The following FAM184B variants were observed in gnomAD, a reference collection of about 807,000 sequenced individuals.
The protein encoded by FAM184B is protein FAM184B.
Under a neutral mutation model 135.9 loss-of-function variants are expected in FAM184B, and 111 were observed. The observed-to-expected ratio is 0.82, with a 90% CI of 0.70 to 0.96. The LOEUF (loss-of-function observed/expected upper bound fraction) is 0.96, where lower values mean the gene tolerates loss of function less well. Among genes scored for constraint, FAM184B ranks in the 40% least tolerant of loss-of-function variants. The pLI, the probability that FAM184B is intolerant of heterozygous loss-of-function variation, is 0.00. For synonymous variants in FAM184B, 552 were observed against 524.8 expected (o/e 1.05, Z -0.71); for missense variants, 1,375 against 1,323.9 (o/e 1.04, Z -0.60).
intron 12 of FAM184B, 22 bp from the exon 13 acceptor site, chr4:17,642,250 GGT>G (rs1715345794): frequency 4.1e-6 from 6 of 1,456,886 alleles, no homozygotes; most frequent in Non-Finnish European, 5.4e-6. Flanking sequence ...AACCAGGAGA[GGT>G]GTTTTCAGGA....
In FAM184B at chr4:17,658,412, G is replaced by A; in HGVS notation, c.1975C>T (p.Leu659Phe). ...AGGGCTCTCTGGTGGGAAGCCTCGA[G>A]CTGGGCTTTCATGGCGTGGTTCTGC... ...TQQNHAMKAQ[L>F]EASHQRALRM... Residue 659 changes from leucine (L) to phenylalanine (F), a missense_variant, in exon 10 of 18, where the codon CTC becomes TTC. Transcript: ENST00000265018. The A allele has an allele frequency of 2.6e-6, 4 of 1,551,616 alleles. No homozygotes were observed. The highest frequency in any genetic ancestry group is 3.5e-6 in the Non-Finnish European group (4 of 1,146,986).
intron 1 of FAM184B, among the ~76,000 whole-genome samples, chr4:17,710,755 A>G (rs1560182943): frequency 6.6e-6 from 1 of 152,226 alleles, no homozygotes; most frequent in Non-Finnish European, 1.5e-5. Flanking sequence ...GGAATGAAGA[A>G]TGACTCTTAG....
chr4:17,768,115 T>G (rs1577296332), intron 1 of FAM184B, among the ~76,000 whole-genome samples: 1 of 152,374 alleles, frequency 6.6e-6, no homozygotes, highest in African/African-American at 2.4e-5. Flanking sequence ...GTTCTTTTGA[T>G]TTTGTTCAAG....
In FAM184B at chr4:17,709,460, T is replaced by A; in HGVS notation, c.326A>T (p.Glu109Val). Reference protein sequence around the residue: ...QRIQALESALELQKRLTEEAL... With the variant: ...QRIQALESALVLQKRLTEEAL... ...CTCCTCCGTCAGCCTCTTTTGCAGC[T>A]CCAGGGCGCTCTCCAGGGCCTGGAT... Residue 109 changes from glutamate to valine, a missense_variant, in exon 2 of 18, where the codon GAG becomes GTG. Transcript: ENST00000265018. The A allele has an allele frequency of 1.3e-6, 2 of 1,535,498 alleles. No homozygotes were observed. The highest frequency in any genetic ancestry group is 8.8e-7 in the Non-Finnish European group (1 of 1,137,612).
intron 6 of FAM184B, 130 bp downstream of exon 6, chr4:17,693,172 C>A: frequency 3.2e-6 from 2 of 625,002 alleles, no homozygotes; most frequent in South Asian, 4.1e-5. Flanking sequence ...AAATGCACGC[C>A]CCCCGAGACA....
chr4:17,656,435 C>G (rs1248174176), intron 10 of FAM184B, among the ~76,000 whole-genome samples: 1 of 152,054 alleles, frequency 6.6e-6, no homozygotes, highest in South Asian at 2.1e-4. Context: ...GGAGTCTTGC[C>G]GTGTTGCCCA....
chr4:17,736,206 T>G (rs1254695467), intron 1 of FAM184B, among the ~76,000 whole-genome samples: 1 of 152,112 alleles, frequency 6.6e-6, no homozygotes, highest in South Asian at 2.1e-4. Context: ...TGCCTGAGGT[T>G]ACGGGGCTGG....
intron 11 of FAM184B, among the ~76,000 whole-genome samples, chr4:17,652,617 A>C (rs921847456): frequency 6.0e-5 from 9 of 151,134 alleles, no homozygotes; most frequent in African/African-American, 1.9e-4. Flanking sequence ...TGAGCCCGAG[A>C]CCCCTGGAGC....
intron 1 of FAM184B, among the ~76,000 whole-genome samples, chr4:17,722,632 G>T (rs186617037): frequency 5.9e-5 from 9 of 152,278 alleles, no homozygotes; most frequent in Non-Finnish European, 1.2e-4. Context: ...CTCCCAGGAA[G>T]GTTCTTAATG....
intron 11 of FAM184B, among the ~76,000 whole-genome samples, chr4:17,649,609 G>T (rs187010073): frequency 2.0e-5 from 3 of 150,864 alleles, no homozygotes; most frequent in Non-Finnish European, 4.4e-5. Flanking sequence ...AATTTACTTC[G>T]TAATCTTTCC....
intron 1 of FAM184B, among the ~76,000 whole-genome samples, chr4:17,777,934 C>T (rs1560199611): frequency 6.6e-6 from 1 of 152,022 alleles, no homozygotes; most frequent in African/African-American, 2.4e-5. Flanking sequence ...CCTGTCTCTA[C>T]AAAAAATTTT....
chr4:17,693,185 C>T, intron 6 of FAM184B, 117 bp downstream of exon 6: 1 of 687,344 alleles, frequency 1.5e-6, no homozygotes, highest in South Asian at 1.9e-5. Context: ...CCGAGACAGC[C>T]TGCCTGTCTG....
chr4:17,694,427 G>A (rs991125115), intron 5 of FAM184B, among the ~76,000 whole-genome samples: 3 of 151,996 alleles, frequency 2.0e-5, no homozygotes, highest in Non-Finnish European at 4.4e-5. Context: ...GGAGGCTGAG[G>A]CAGGAGAATG....
chr4:17,739,555 G>GTTGTTTTTTTTTTT (rs1717979952), intron 1 of FAM184B, among the ~76,000 whole-genome samples: 1 of 62,510 alleles, frequency 1.6e-5, no homozygotes, highest in African/African-American at 6.2e-5. Flanking sequence ...CATACCAACT[G>GTTGTTTTTTTTTTT]TTTTTTTTTT....
At chr4:17,635,420 C>T (rs538666702) in intron 15 of FAM184B, among the ~76,000 whole-genome samples, 3 of 152,060 alleles carry the variant, frequency 2.0e-5, no homozygotes, top group Non-Finnish European at 2.9e-5. Context: ...AAAGAAAACC[C>T]CCAGGTATGC....
At chr4:17,731,693 C>A (rs559972706) in intron 1 of FAM184B, among the ~76,000 whole-genome samples, 2 of 152,262 alleles carry the variant, frequency 1.3e-5, no homozygotes, top group African/African-American at 4.8e-5. Flanking sequence ...CCTTAGTGAC[C>A]TACAAAGAGA....
intron 6 of FAM184B, among the ~76,000 whole-genome samples, chr4:17,693,002 C>A (rs968474910): frequency 1.6e-5 from 2 of 126,026 alleles, no homozygotes; most frequent in Non-Finnish European, 3.4e-5. Flanking sequence ...GCGAATGTAA[C>A]CCTGGGGAAG....
chr4:17,744,414 T>A (rs1718111465), intron 1 of FAM184B, among the ~76,000 whole-genome samples: 1 of 151,404 alleles, frequency 6.6e-6, no homozygotes, highest in African/African-American at 2.4e-5. Flanking sequence ...CCTTGGGGGC[T>A]GGGACTAGGA....
At chr4:17,705,712 T>C (rs532167829) in intron 4 of FAM184B, 40 bp downstream of exon 4, 2 of 1,549,698 alleles carry the variant, frequency 1.3e-6, no homozygotes, top group Non-Finnish European at 1.7e-6. Flanking sequence ...AGCAAAGCTC[T>C]CTGTGCCTTC....
Sources: allele counts gnomAD v4.1 joint callset (sites outside exome capture counted in the v4.1 genomes callset), GRCh38; gene constraint gnomAD v4.1.1; transcripts MANE v1.5; gene names NCBI Gene and HGNC (gene_info 2026-07-23, HGNC 2026-07-21).